MACROD2: variants seen among roughly 807,000 people sequenced by gnomAD.
MACROD2 encodes ADP-ribose glycohydrolase MACROD2.
A neutral mutation model predicts 70.4 loss-of-function variants in MACROD2; 36 were observed. The ratio of observed to expected loss-of-function variants is 0.51; its 90% CI spans 0.39 to 0.68. The LOEUF is 0.68. Ranked by LOEUF, MACROD2 falls within the 30% of genes least tolerant of loss-of-function variation. The pLI is 0.00. For missense variants in MACROD2, 496 were observed against 538.4 expected (o/e 0.92, Z 0.78); for synonymous variants, 172 against 178.8 (o/e 0.96, Z 0.30).
intron 8 of MACROD2, among the ~76,000 whole-genome samples, chr20:15,509,512 A>AT (rs1161151067): frequency 2.6e-5 from 4 of 152,164 alleles, no homozygotes; most frequent in Non-Finnish European, 4.4e-5. Context: ...AAAAGAACGG[A>AT]TCCCTTTGCA....
chr20:14,532,831 C>T (rs1211129905), intron 4 of MACROD2, among the ~76,000 whole-genome samples: 1 of 152,050 alleles, frequency 6.6e-6, no homozygotes, highest in East Asian at 1.9e-4. Flanking sequence ...TCAAGTAATC[C>T]CTGGGTGATG....
chr20:16,033,330 G>T (rs1423766617), intron 15 of MACROD2, among the ~76,000 whole-genome samples: 1 of 152,104 alleles, frequency 6.6e-6, no homozygotes, highest in Non-Finnish European at 1.5e-5. Flanking sequence ...AAGCAACAGT[G>T]CTTTCTCCTC....
chr20:14,178,808 C>T (rs190677031), intron 3 of MACROD2, among the ~76,000 whole-genome samples: 2 of 140,994 alleles, frequency 1.4e-5, no homozygotes, highest in African/African-American at 5.3e-5. Flanking sequence ...TTTGGTCTCT[C>T]TTCCTTGTCA....
At chr20:15,225,265 T>C (rs1341661231) in intron 5 of MACROD2, among the ~76,000 whole-genome samples, 1 of 152,204 alleles carries the variant, frequency 6.6e-6, no homozygotes, top group African/African-American at 2.4e-5. Flanking sequence ...ATATGTGTAA[T>C]GATATAAGCT....
At chr20:14,492,745 A>G (rs532831516) in intron 3 of MACROD2, among the ~76,000 whole-genome samples, 4 of 152,248 alleles carry the variant, frequency 2.6e-5, no homozygotes, top group Admixed American at 2.6e-4. Flanking sequence ...TATAGTGTAT[A>G]TTGAATTATG....
intron 2 of MACROD2, among the ~76,000 whole-genome samples, chr20:14,082,177 CTTTTTTTT>C (rs66918191): frequency 7.5e-5 from 7 of 93,172 alleles, no homozygotes; most frequent in African/African-American, 2.2e-4. Flanking sequence ...CTTTTTTTTT[CTTTTTTTT>C]TTTTTTTTTT....
intron 2 of MACROD2, among the ~76,000 whole-genome samples, chr20:14,019,333 G>A (rs181040054): frequency 1.3e-5 from 2 of 152,220 alleles, no homozygotes; most frequent in Admixed American, 6.5e-5. Context: ...GTGCCGTGGC[G>A]CAATCTTGGC....
chr20:15,617,676 T>C (rs1326013574), intron 8 of MACROD2, among the ~76,000 whole-genome samples: 1 of 152,214 alleles, frequency 6.6e-6, no homozygotes, highest in African/African-American at 2.4e-5. Context: ...GGTATAGGCA[T>C]ATCAACTACG....
intron 3 of MACROD2, among the ~76,000 whole-genome samples, chr20:14,105,519 C>T (rs917782254): frequency 6.6e-6 from 1 of 152,132 alleles, no homozygotes; most frequent in African/African-American, 2.4e-5. Context: ...AGTAGACCTC[C>T]CCACTGAGGG....
At chr20:15,186,736 C>T (rs1234247951) in intron 5 of MACROD2, among the ~76,000 whole-genome samples, 3 of 152,238 alleles carry the variant, frequency 2.0e-5, no homozygotes, top group South Asian at 4.1e-4. Context: ...TGAATGTAGT[C>T]CTTGAACTCC....
At chr20:14,233,648 G>T (rs763700104) in intron 3 of MACROD2, among the ~76,000 whole-genome samples, 10 of 136,248 alleles carry the variant, frequency 7.3e-5, no homozygotes, top group Non-Finnish European at 1.5e-4. Context: ...AGTGAGCCGA[G>T]ATTGTGCCAC....
intron 12 of MACROD2, among the ~76,000 whole-genome samples, chr20:15,954,185 G>A (rs1222473400): frequency 6.6e-6 from 1 of 152,090 alleles, no homozygotes; most frequent in Non-Finnish European, 1.5e-5. Flanking sequence ...AAAGTAAACA[G>A]ATCCCAGCAC....
intron 8 of MACROD2, among the ~76,000 whole-genome samples, chr20:15,625,903 CAAAAAAAA>C (rs11290779): frequency 1.3e-5 from 1 of 75,642 alleles, no homozygotes; most frequent in South Asian, 6.8e-4. Flanking sequence ...TCCTTGGCCA[CAAAAAAAA>C]AAAAAAAAAA....
intron 4 of MACROD2, among the ~76,000 whole-genome samples, chr20:14,655,319 CTGTGTGTGTGTGTG>C (rs11470954): frequency 5.6e-5 from 8 of 141,610 alleles, no homozygotes; most frequent in African/African-American, 1.6e-4. Context: ...AAAGTGGACA[CTGTGTGTGTGTGTG>C]TGTGTGTGTG....
At chr20:15,108,115 C>G (rs1265215174) in intron 5 of MACROD2, among the ~76,000 whole-genome samples, 4 of 151,950 alleles carry the variant, frequency 2.6e-5, no homozygotes, top group African/African-American at 9.7e-5. Flanking sequence ...AATTCTGCTG[C>G]CTCCCTTCTT....
At chr20:14,367,259 T>C (rs1405733429) in intron 3 of MACROD2, among the ~76,000 whole-genome samples, 1 of 152,248 alleles carries the variant, frequency 6.6e-6, no homozygotes, top group African/African-American at 2.4e-5. Context: ...TTATAATTAT[T>C]GTTTTATGCA....
intron 5 of MACROD2, among the ~76,000 whole-genome samples, chr20:15,084,632 A>G (rs1359258595): frequency 6.6e-6 from 1 of 152,170 alleles, no homozygotes; most frequent in Non-Finnish European, 1.5e-5. Flanking sequence ...AGAGGTTACT[A>G]TGATTTTTCT....
At chr20:15,050,457 T>A (rs2123050518) in intron 5 of MACROD2, among the ~76,000 whole-genome samples, 1 of 151,524 alleles carries the variant, frequency 6.6e-6, no homozygotes, top group African/African-American at 2.4e-5. Context: ...ATATAAAAAG[T>A]AACATAATTT....
intron 5 of MACROD2, among the ~76,000 whole-genome samples, chr20:14,915,894 G>A (rs1460978112): frequency 6.6e-6 from 1 of 152,058 alleles, no homozygotes; most frequent in African/African-American, 2.4e-5. Flanking sequence ...ATGGAGGTTT[G>A]GCAAAGTGTG....
Sources: allele counts gnomAD v4.1 joint callset (sites outside exome capture counted in the v4.1 genomes callset), GRCh38; gene constraint gnomAD v4.1.1; transcripts MANE v1.5; gene names NCBI Gene and HGNC (gene_info 2026-07-23, HGNC 2026-07-21).